The following PAK1 variants were observed in gnomAD, a reference collection of about 807,000 sequenced individuals.
PAK1 encodes the protein p21 (RAC1) activated kinase 1.
In PAK1, 29 loss-of-function variants were observed where a neutral mutation model predicts 67.4. The ratio of observed to expected loss-of-function variants is 0.43; its 90% confidence interval spans 0.32 to 0.59. The LOEUF (loss-of-function observed/expected upper bound fraction) is 0.59, where lower values mean the gene tolerates loss of function less well. PAK1 is among the 20% of genes least tolerant of loss of function. PAK1 has a pLI of 0.07. For missense variants in PAK1, 337 were observed against 670.7 expected (o/e 0.50, Z 5.50); for synonymous variants, 223 against 237.4 (o/e 0.94, Z 0.56).
the PAK1 span, among the ~76,000 whole-genome samples, chr11:77,515,597 C>T: frequency 6.6e-6 from 1 of 152,118 alleles, no homozygotes; most frequent in African/African-American, 2.4e-5. Flanking sequence ...GCACTTTGTC[C>T]CCAGGATACC....
intron 14 of PAK1, among the ~76,000 whole-genome samples, chr11:77,327,326 T>C (rs879236013): frequency 6.6e-6 from 1 of 151,914 alleles, no homozygotes; most frequent in African/African-American, 2.4e-5. Context: ...CCAAGACACA[T>C]AATTGTCAGA....
intron 5 of PAK1, among the ~76,000 whole-genome samples, chr11:77,369,444 C>CTTTTTTTTTTT (rs147630042): frequency 3.5e-5 from 3 of 86,736 alleles, no homozygotes; most frequent in Non-Finnish European, 4.3e-5. Flanking sequence ...TTATACATTT[C>CTTTTTTTTTTT]TTTTTTTTTT....
the PAK1 span, among the ~76,000 whole-genome samples, chr11:77,522,676 A>C: frequency 6.6e-6 from 1 of 152,242 alleles, no homozygotes; most frequent in Non-Finnish European, 1.5e-5. Flanking sequence ...TTCTCAAAGA[A>C]CTAAAAATAG....
chr11:77,377,470 A>G (rs1234151308), intron 4 of PAK1, among the ~76,000 whole-genome samples: 2 of 152,210 alleles, frequency 1.3e-5, no homozygotes, highest in Non-Finnish European at 2.9e-5. Flanking sequence ...ATTTATACAT[A>G]CAAAAGTAGA....
chr11:77,369,444 C>CTTTTTTTTTTTTTT (rs147630042), intron 5 of PAK1, among the ~76,000 whole-genome samples: 3 of 86,728 alleles, frequency 3.5e-5, no homozygotes, highest in Non-Finnish European at 6.4e-5. Context: ...TTATACATTT[C>CTTTTTTTTTTTTTT]TTTTTTTTTT....
chr11:77,361,398 G>A (rs1026283380), intron 5 of PAK1, among the ~76,000 whole-genome samples: 4 of 152,078 alleles, frequency 2.6e-5, no homozygotes, highest in African/African-American at 9.7e-5. Flanking sequence ...TACCTATGTG[G>A]GTGTAACAAA....
At chr11:77,332,978 T>C (rs1255738513) in intron 13 of PAK1, 111 bp from the exon 14 acceptor site, 14 of 964,906 alleles carry the variant, frequency 1.5e-5, no homozygotes, top group East Asian at 7.2e-5. Flanking sequence ...GGATGCAAAG[T>C]AGCAGCTGTG....
Position 77,343,905 on chromosome 11 carries a change from C to A in PAK1, c.912G>T (p.Gln304His), listed in dbSNP as rs748528205. The change falls in exon 10 of 15, where the codon CAG becomes CAT. Residue 304 changes from glutamine (Q) to histidine (H), a missense_variant. Gln to His is a conservative substitution (Grantham distance 24). Transcript: ENST00000356341. ...QEVAIKQMNL[Q>H]QQPKKELIIN... ...TAATCAGCTCTTTCTTGGGCTGCTG[C>A]TGAAGATTCATCTGCTTAATGGCCA... The A allele has an allele frequency of 6.2e-7, 1 of 1,612,742 alleles. No individual in the cohort carries two copies.
At chr11:77,392,616 A>G in intron 1 of PAK1, 75 bp from the exon 2 acceptor site, 3 of 1,226,404 alleles carry the variant, frequency 2.4e-6, no homozygotes, top group Middle Eastern at 2.4e-4. Flanking sequence ...AAAAAATTGC[A>G]AAGAATCAAA....
the PAK1 span, among the ~76,000 whole-genome samples, chr11:77,488,823 C>T: frequency 0.086 from 13,068 of 151,860 alleles, 1,160 homozygotes; most frequent in African/African-American, 0.21. Context: ...AAAGGTCAAA[C>T]CTAAGACTTA....
the PAK1 span, among the ~76,000 whole-genome samples, chr11:77,498,008 C>T: frequency 1.3e-5 from 2 of 152,030 alleles, no homozygotes; most frequent in African/African-American, 4.8e-5. Context: ...TTAGTCTGTG[C>T]AAGTATTTTC....
chr11:77,516,482 T>C, the PAK1 span, among the ~76,000 whole-genome samples: 2 of 152,314 alleles, frequency 1.3e-5, no homozygotes, highest in South Asian at 4.1e-4. Flanking sequence ...TGTAAAATGT[T>C]TAGAATAGTA....
intron 10 of PAK1, 107 bp downstream of exon 10, chr11:77,343,712 A>C: frequency 1.4e-6 from 1 of 723,870 alleles, no homozygotes; most frequent in Non-Finnish European, 2.5e-6. Flanking sequence ...CAGAAGACTC[A>C]TAAATGGAGG....
intron 5 of PAK1, among the ~76,000 whole-genome samples, chr11:77,368,235 T>C (rs1201685788): frequency 6.6e-6 from 1 of 152,174 alleles, no homozygotes; most frequent in Non-Finnish European, 1.5e-5. Context: ...GAAAAAAAGA[T>C]TGGTCACATA....
At chr11:77,364,389 T>G (rs957539415) in intron 5 of PAK1, among the ~76,000 whole-genome samples, 1 of 152,120 alleles carries the variant, frequency 6.6e-6, no homozygotes, top group Non-Finnish European at 1.5e-5. Flanking sequence ...TAAGCAAACA[T>G]AGAAGCAATC....
intron 5 of PAK1, among the ~76,000 whole-genome samples, chr11:77,372,801 G>A (rs1442814068): frequency 6.6e-6 from 1 of 152,112 alleles, no homozygotes; most frequent in African/African-American, 2.4e-5. Context: ...TTCTCTTTCT[G>A]TGTGGAATAC....
intron 9 of PAK1, among the ~76,000 whole-genome samples, chr11:77,348,819 CAGTAAGAAACTA>C (rs1200302236): frequency 6.6e-6 from 1 of 152,044 alleles, no homozygotes; most frequent in Non-Finnish European, 1.5e-5. Context: ...TTGTATGCTA[CAGTAAGAAACTA>C]GATATGTTCC....
the PAK1 span, among the ~76,000 whole-genome samples, chr11:77,509,206 C>G: frequency 3.3e-5 from 5 of 151,470 alleles, no homozygotes; most frequent in African/African-American, 1.2e-4. Flanking sequence ...TGCCGTGAGC[C>G]AAGATCGCGC....
At chr11:77,496,467 T>C in the PAK1 span, among the ~76,000 whole-genome samples, 1 of 151,650 alleles carries the variant, frequency 6.6e-6, no homozygotes. Context: ...CTACAAAAAA[T>C]ACAAAAAAAT....
Sources: gnomAD v4.1 joint callset for allele counts (sites outside exome capture counted in the v4.1 genomes callset) on GRCh38, gnomAD v4.1.1 for gene constraint, MANE v1.5 for transcripts, NCBI Gene and HGNC (gene_info 2026-07-23, HGNC 2026-07-21) for gene names.